The following CORO6 variants were observed in gnomAD, a reference collection of about 807,000 sequenced individuals.
The protein encoded by CORO6 is coronin 6.
In CORO6, 43 loss-of-function variants were observed where a neutral mutation model predicts 49.0. The observed-to-expected ratio is 0.88, with a 90% confidence interval of 0.69 to 1.13. The LOEUF (loss-of-function observed/expected upper bound fraction) is 1.13, where lower values mean the gene tolerates loss of function less well. Ranked by LOEUF, CORO6 falls within the 50% of genes most tolerant of loss-of-function variation. The pLI is 0.00. For missense variants in CORO6, 650 were observed against 647.0 expected (o/e 1.00, Z -0.05); for synonymous variants, 233 against 256.5 (o/e 0.91, Z 0.88).
Position 29,616,421 on chromosome 17 carries a change from C to T in CORO6, c.1005-85G>A. On this transcript the variant is annotated intron_variant, in intron 8 of 10. Coordinates refer to ENST00000388767, the MANE Select transcript of CORO6 (RefSeq NM_032854.4). The surrounding 1 kb of genome is among the most constrained non-coding windows in gnomAD (Gnocchi z 5.6). ...TAAGACCAAGGGGGTTGGAGGCCAA[C>T]ACTTGCTCAGCGCCTACCATGCATA... 2 of 1,343,800 alleles carry T rather than the reference C, an allele frequency of 1.5e-6. No homozygotes were observed. Among genetic ancestry groups the T allele is most frequent in the South Asian group, 1.3e-5 (1 of 78,690 alleles). 83.2% of individuals were successfully genotyped at this position (1,343,800 alleles called of 1,614,324 possible). A position where few individuals can be genotyped will look rare whatever the true frequency, so the allele number is the denominator to read the frequency against.
At chr17:29,617,958 G>T in intron 5 of CORO6, 1 of 1,134,870 alleles carries the variant, frequency 8.8e-7, no homozygotes, top group Non-Finnish European at 1.2e-6. Flanking sequence ...CTCCGCTCTG[G>T]CCTCTTGGGC....
At chr17:29,620,354 A>G (rs1162301317) in intron 2 of CORO6, among the ~76,000 whole-genome samples, 1 of 152,232 alleles carries the variant, frequency 6.6e-6, no homozygotes, top group African/African-American at 2.4e-5. Context: ...ACACTGGTCC[A>G]GACCAGGCAG....
At position 29,616,332 on chromosome 17, in the gene CORO6, A is replaced by G; in HGVS notation, c.1009T>C (p.Tyr337His). Residue 337 changes from tyrosine (Y) to histidine (H), a missense_variant, in exon 9 of 11, where the codon TAC becomes CAC. Transcript: ENST00000388767. The surrounding 1 kb of genome is among the most constrained non-coding windows in gnomAD (Gnocchi z 5.6). ...DVSKCEIARF[Y>H]KLHERKCEPI... is the part of the protein sequence containing the mutation. The stretch of plus-strand genomic sequence containing the variant: ...TCACACTTTCTTTCGTGTAGCTTGT[A>G]GAACCTATAAGGGAGCAGGGTTCAG... 6.2e-7 allele frequency: 1 copy of G among 1,603,656 alleles called. No individual in the cohort carries two copies. The highest frequency in any genetic ancestry group is 1.1e-5 in the South Asian group (1 of 89,500).
chr17:29,619,697 T>A lies in CORO6; in HGVS notation c.275A>T (p.His92Leu), dbSNP rs771226997. The change falls in exon 3 of 11, where the codon CAC becomes CTC. Residue 92 changes from histidine (H) to leucine (L), a missense_variant. By Grantham distance (99) the His-to-Leu change is moderately conservative (BLOSUM62 -3). Transcript: ENST00000388767. ...APVLDIDWCP[H>L]NDNVIASASD... ...GGCACTGGCGATAACGTTGTCATTG[T>A]GTGGACACCAGTCAATATCCAGCAC... 2.5e-6 allele frequency: 4 copies of A among 1,613,530 alleles called. No homozygotes were observed. The highest frequency in any genetic ancestry group is 3.4e-6 in the Non-Finnish European group (4 of 1,179,490).
At chr17:29,617,898 G>T in intron 5 of CORO6, 1 of 747,060 alleles carries the variant, frequency 1.3e-6, no homozygotes, top group Non-Finnish European at 2.0e-6. Context: ...AGGGGTGTCT[G>T]CTGGCTCCCC....
In CORO6 at chr17:29,617,062, G is replaced by A. The variant is rs765017979; in HGVS notation, c.754-20C>T. On this transcript the variant is annotated intron_variant, in intron 6 of 10. Coordinates refer to ENST00000388767, the MANE Select transcript of CORO6 (RefSeq NM_032854.4). ...GTTGTTCTGCCCGAGCACAGGAGGC[G>A]TGACCAGCCCTGCCCCACCCTCCCG... The A allele has an allele frequency of 7.5e-5, 121 of 1,610,144 alleles. No homozygotes were observed. The highest frequency in any genetic ancestry group is 1.5e-4 in the Admixed American group (9 of 60,016).
chr17:29,616,053 A>G lies in CORO6; in HGVS notation c.1185T>C (p.Tyr395=), dbSNP rs1485931038. The change falls in exon 10 of 11, where the codon TAT becomes TAC. Residue 395 remains tyrosine (Y), a synonymous_variant. Coordinates refer to ENST00000388767, the MANE Select transcript of CORO6 (RefSeq NM_032854.4). This position sits in a 1 kb window ranked among gnomAD's most constrained non-coding sequence, Gnocchi z 5.6. Reference sequence around the variant, plus strand: ...GGAGCTCGCGGTGCTTGGGGGGCACATAGCCGTCCCTCAGCGAAATGAGCA... The same window carrying G: ...GGAGCTCGCGGTGCTTGGGGGGCACGTAGCCGTCCCTCAGCGAAATGAGCA... The part of the protein sequence containing the change: ...EPVLISLRDG[Y]VPPKHRELRV... 1 of 1,612,478 alleles carries G rather than the reference A, an allele frequency of 6.2e-7. No homozygotes were observed. The highest frequency in any genetic ancestry group is 1.7e-4 in the Middle Eastern group (1 of 6,036).
At position 29,622,866 on chromosome 17, in the gene CORO6, C is replaced by G. The variant is rs1241858030; in HGVS notation, c.-242G>C. On this transcript the variant is annotated 5_prime_UTR_variant, in exon 1 of 11. Coordinates refer to ENST00000388767, the MANE Select transcript of CORO6 (RefSeq NM_032854.4). ...GCCGATCCTGCGGCTCTCTAGAGCCCGGCGCCGCTGCAGCCCCAGCTGCCG... is the reference window on the plus strand; with the variant it reads ...GCCGATCCTGCGGCTCTCTAGAGCCGGGCGCCGCTGCAGCCCCAGCTGCCG... The G allele has an allele frequency of 2.0e-5, 26 of 1,296,246 alleles. No homozygotes were observed. Among genetic ancestry groups the G allele is most frequent in the Non-Finnish European group, 2.5e-5 (25 of 986,956 alleles). The allele number at this position is 1,296,246 out of a possible 1,614,324, so 80.3% of individuals were successfully genotyped here. A position where few individuals can be genotyped will look rare whatever the true frequency, so the allele number is the denominator to read the frequency against.
In CORO6 at chr17:29,622,898, T is replaced by A. The variant is rs1222641539; in HGVS notation, c.-274A>T. ...GCTGCAGCCCCAGCTGCCGCTGCCA[T>A]CAACCTAAGAGGGCGGGGCTAGCAT... is the stretch of plus-strand genomic sequence containing the variant. On this transcript the variant is annotated 5_prime_UTR_variant, in exon 1 of 11. It removes an upstream start codon present in the reference 5' UTR. Transcript: ENST00000388767. 26 of 1,223,028 alleles carry A rather than the reference T, an allele frequency of 2.1e-5. No homozygotes were observed. Among genetic ancestry groups the A allele is most frequent in the Non-Finnish European group, 2.7e-5 (26 of 958,738 alleles). 75.8% of individuals were successfully genotyped at this position (1,223,028 alleles called of 1,614,324 possible). A position where few individuals can be genotyped will look rare whatever the true frequency, so the allele number is the denominator to read the frequency against.
At chr17:29,617,685 G>A in intron 5 of CORO6, 66 bp from the exon 6 acceptor site, 6 of 1,470,520 alleles carry the variant, frequency 4.1e-6, no homozygotes, top group African/African-American at 1.4e-5. Context: ...ATGGAGGGAT[G>A]AGCAACCAGC....
In CORO6 at chr17:29,616,744, A is replaced by C. The variant is rs377223092; in HGVS notation, c.962T>G (p.Met321Arg). Residue 321 changes from methionine (M) to arginine (R), a missense_variant, in exon 8 of 11, where the codon ATG (methionine) becomes AGG (arginine). Transcript: ENST00000388767. The surrounding 1 kb of genome is among the most constrained non-coding windows in gnomAD (Gnocchi z 5.6). ...SKEPQRGMGF[M>R]PKRGLDVSKC... Reference sequence around the variant, plus strand: ...GCTGACATCCAGTCCCCTTTTGGGCATGAAACCCATGCCCCGCTGCGGCTC... The same window carrying C: ...GCTGACATCCAGTCCCCTTTTGGGCCTGAAACCCATGCCCCGCTGCGGCTC... 15 of 1,613,676 alleles carry C rather than the reference A, an allele frequency of 9.3e-6. No individual in the cohort carries two copies. Among genetic ancestry groups the C allele is most frequent in the Non-Finnish European group, 1.3e-5 (15 of 1,179,896 alleles).
At position 29,619,051 on chromosome 17, in the gene CORO6, C is replaced by A. The variant is rs777628026; in HGVS notation, c.451+9G>T. ...CCATCTATGGGGGACCCCTCCTTAG[C>A]CCCCAGACCTGCACTGAGCAGGACA... On this transcript the variant is annotated intron_variant, in intron 4 of 10. Coordinates refer to ENST00000388767, the MANE Select transcript of CORO6 (RefSeq NM_032854.4). 1.9e-6 allele frequency: 3 copies of A among 1,612,000 alleles called. No individual in the cohort carries two copies. Among genetic ancestry groups the A allele is most frequent in the Non-Finnish European group, 2.5e-6 (3 of 1,178,704 alleles).
intron 6 of CORO6, 198 bp downstream of exon 6, chr17:29,617,297 AGGTGG>A: frequency 6.5e-7 from 1 of 1,529,028 alleles, no homozygotes. Flanking sequence ...CGGCATCACC[AGGTGG>A]GGGCGCCAGC....
chr17:29,616,683 AG>A lies in CORO6; in HGVS notation c.1004+18del. ...GGACAGAGGCGGGTAGGTGTTCAGG[AG>A]GGGCCAAGGCTGCTGACCGGGCGAT... On this transcript the variant is annotated intron_variant, in intron 8 of 10. Coordinates refer to ENST00000388767, the MANE Select transcript of CORO6 (RefSeq NM_032854.4). This position sits in a 1 kb window ranked among gnomAD's most constrained non-coding sequence, Gnocchi z 5.6. 1 of 1,603,888 alleles carries A rather than the reference AG, an allele frequency of 6.2e-7. No homozygotes were observed. The highest frequency in any genetic ancestry group is 8.5e-7 in the Non-Finnish European group (1 of 1,172,246).
chr17:29,615,631 G>C lies in CORO6; in HGVS notation c.*101C>G. 1.5e-6 allele frequency: 2 copies of C among 1,311,398 alleles called. No homozygotes were observed. Among genetic ancestry groups the C allele is most frequent in the Non-Finnish European group, 2.0e-6 (2 of 994,380 alleles). The allele number at this position is 1,311,398 out of a possible 1,614,324, so 81.2% of individuals were successfully genotyped here. ...GAGTTCCCTCCCCAGTCCCGCCCCC[G>C]GGCCCAGCCCAAGAAGGCGGGGTCC... On this transcript the variant is annotated 3_prime_UTR_variant, in exon 11 of 11. Transcript: ENST00000388767.
At position 29,615,023 on chromosome 17, in the gene CORO6, G is replaced by T; in HGVS notation, c.*709C>A. ...CATTCAGTACGTCTTGTTTTTCTGA[G>T]AGAGGCAACGGCAGAGGGTTGGGGG... On this transcript the variant is annotated 3_prime_UTR_variant, in exon 11 of 11. Coordinates refer to ENST00000388767, the MANE Select transcript of CORO6 (RefSeq NM_032854.4). 1 of 152,416 alleles carries T rather than the reference G, an allele frequency of 6.6e-6. No homozygotes were observed. The allele number at this position is 152,416 out of a possible 1,614,324, so 9.4% of individuals were successfully genotyped here.
chr17:29,619,783 TGGA>T lies in CORO6; in HGVS notation c.199-13_199-11del, dbSNP rs1408857633. ...TATCCACTCGCCCTGTCTGAGGGGT[TGGA>T]GAAGAAGATGTGGGGCTACTCTCCT... On this transcript the variant is annotated splice_polypyrimidine_tract_variant and intron_variant, in intron 2 of 10. Coordinates refer to ENST00000388767, the MANE Select transcript of CORO6 (RefSeq NM_032854.4). 5.6e-6 allele frequency: 9 copies of T among 1,602,916 alleles called. No individual in the cohort carries two copies. Among genetic ancestry groups the T allele is most frequent in the Admixed American group, 5.0e-5 (3 of 59,816 alleles).
chr17:29,619,849 A>T, intron 2 of CORO6, 76 bp from the exon 3 acceptor site: 1 of 1,350,850 alleles, frequency 7.4e-7, no homozygotes. Flanking sequence ...ATCTGCTTAC[A>T]TCTCGATTCC....
intron 5 of CORO6, chr17:29,618,051 G>T: frequency 1.3e-6 from 2 of 1,499,192 alleles, no homozygotes; most frequent in Non-Finnish European, 1.8e-6. Context: ...GGCCTACCGG[G>T]TCCCAGAGCG....
Sources: allele counts gnomAD v4.1 joint callset (sites outside exome capture counted in the v4.1 genomes callset), GRCh38; gene constraint gnomAD v4.1.1; non-coding constraint Gnocchi (gnomAD v3.1); transcripts MANE v1.5; gene names NCBI Gene and HGNC (gene_info 2026-07-23, HGNC 2026-07-21).